Variants in SLC38A9 observed in about 807,000 individuals in gnomAD.
SLC38A9 encodes solute carrier family 38 member 9.
In SLC38A9, 48 loss-of-function variants were observed where a neutral mutation model predicts 62.3. That is an observed-to-expected ratio of 0.77 (90% CI 0.61 to 0.98). SLC38A9 has a LOEUF of 0.98. Among genes scored for constraint, SLC38A9 ranks in the 50% least tolerant of loss-of-function variants. SLC38A9 has a pLI of 0.00. For synonymous variants in SLC38A9, 204 were observed against 227.7 expected, an observed-to-expected ratio of 0.90 and a Z score of 0.94; for missense variants, 541 against 679.8, an observed-to-expected ratio of 0.80 and a Z score of 2.27.
intron 12 of SLC38A9, among the ~76,000 whole-genome samples, chr5:55,639,354 T>G (rs1250991360): frequency 1.4e-5 from 2 of 148,100 alleles, no homozygotes; most frequent in East Asian, 2.0e-4. Context: ...GAAAAAAAAA[T>G]GTATGAAATG....
At chr5:55,649,530 G>C (rs1190884299) in intron 10 of SLC38A9, among the ~76,000 whole-genome samples, 1 of 152,018 alleles carries the variant, frequency 6.6e-6, no homozygotes, top group Non-Finnish European at 1.5e-5. Flanking sequence ...GGCCTAAGAA[G>C]AACCAGATGA....
At position 55,636,254 on chromosome 5, in the gene SLC38A9, C is replaced by T. The variant is rs1025120044; in HGVS notation, c.1168-597G>A. ...GGAAATCAAAAGGCAGCTGTTCAAA[C>T]AGCTGCACAATGTTACTGGAATCAG... On this transcript the variant is annotated intron_variant, in intron 12 of 15. Transcript: ENST00000396865. 3.1e-4 allele frequency among the ~76,000 whole-genome samples: 47 copies of T among 152,174 alleles called. 1 individual carries two copies. The highest frequency in any genetic ancestry group is 1.5e-4 in the Non-Finnish European group (10 of 68,024).
At chr5:55,710,923 GT>G in intron 2 of SLC38A9, among the ~76,000 whole-genome samples, 1 of 151,254 alleles carries the variant, frequency 6.6e-6, no homozygotes. Context: ...TGGCCAAAAC[GT>G]TTTTAAAAAA....
chr5:55,645,856 G>A lies in SLC38A9; in HGVS notation c.1100C>T (p.Thr367Ile). ...FQFPQLTGVL[T>I]LAFFIHNCII... ...ACAATTATGAATAAAAAAAGCAAGG[G>A]TAAGCACTCCAGTCAGCTGTGGAAA... The change falls in exon 12 of 16, where the codon ACC becomes ATC. Residue 367 changes from threonine (T) to isoleucine (I), a missense_variant. Physicochemically the swap from Thr to Ile is moderately conservative, Grantham distance 89. Transcript: ENST00000396865. 1.2e-6 allele frequency: 2 copies of A among 1,612,016 alleles called. No homozygotes were observed. The highest frequency in any genetic ancestry group is 1.7e-6 in the Non-Finnish European group (2 of 1,179,330).
chr5:55,649,643 G>A (rs548959546), intron 10 of SLC38A9, among the ~76,000 whole-genome samples: 6 of 152,226 alleles, frequency 3.9e-5, no homozygotes, highest in South Asian at 2.1e-4. Context: ...CCAACATGGC[G>A]AAACTTCATC....
chr5:55,692,694 A>G lies in SLC38A9; in HGVS notation c.113+5152T>C, dbSNP rs559479092. On this transcript the variant is annotated intron_variant, in intron 3 of 15. Transcript: ENST00000396865. ...TTAATCTACGCAGTTAAACAAATTTACAGAGAACTGTTTGAACTCCTGCCA... is the reference window on the plus strand; with the variant it reads ...TTAATCTACGCAGTTAAACAAATTTGCAGAGAACTGTTTGAACTCCTGCCA... The G allele has an allele frequency of 6.9e-5, 68 of 985,134 alleles. 1 individual carries two copies. The highest frequency in any genetic ancestry group is 1.0e-3 in the Middle Eastern group (2 of 1,914). The allele number at this position is 985,134 out of a possible 1,614,324, so 61.0% of individuals were successfully genotyped here. A position where few individuals can be genotyped will look rare whatever the true frequency, so the allele number is the denominator to read the frequency against.
chr5:55,632,425 G>C (rs1312527694), intron 14 of SLC38A9, among the ~76,000 whole-genome samples: 1 of 152,098 alleles, frequency 6.6e-6, no homozygotes, highest in Non-Finnish European at 1.5e-5. Context: ...GCGGCAGAGC[G>C]AGACTCAGTC....
rs142296954 is a variant in SLC38A9 at position 55,645,882 on chromosome 5, C to G, written c.1074G>C (p.Gln358His). Residue 358 changes from glutamine to histidine, a missense_variant, in exon 12 of 16, where the codon CAG becomes CAC. By Grantham distance (24) the Gln-to-His change is conservative. Transcript: ENST00000396865. ...TAAGCACTCCAGTCAGCTGTGGAAA[C>G]TGAAATCTTATCTCTAGGAGAAAAA... ...TEFFVPEIRFQFPQLTGVLTL... is the reference protein window; with the variant it reads ...TEFFVPEIRFHFPQLTGVLTL... 5.9e-5 allele frequency: 95 copies of G among 1,603,400 alleles called. No individual in the cohort carries two copies. In the African/African-American group the frequency reaches 1.2e-3, roughly 20 times the overall value.
At position 55,626,321 on chromosome 5, in the gene SLC38A9, C is replaced by T. The variant is rs879134083; in HGVS notation, c.*173G>A. 7 of 563,780 alleles carry T rather than the reference C, an allele frequency of 1.2e-5. No individual in the cohort carries two copies. Among genetic ancestry groups the T allele is most frequent in the Non-Finnish European group, 2.2e-5 (7 of 325,554 alleles). 34.9% of individuals were successfully genotyped at this position (563,780 alleles called of 1,614,324 possible). A position where few individuals can be genotyped will look rare whatever the true frequency, so the allele number is the denominator to read the frequency against. ...CTAAGATCATTCTTTTTGCCCCTTT[C>T]CCCACCCCAATAAAAAAATACTCAT... On this transcript the variant is annotated 3_prime_UTR_variant, in exon 16 of 16. Coordinates refer to ENST00000396865, the MANE Select transcript of SLC38A9 (RefSeq NM_173514.4).
Position 55,673,709 on chromosome 5 carries a change from CTTTTT to C in SLC38A9, c.114-1019_114-1015del, listed in dbSNP as rs201596512. On this transcript the variant is annotated intron_variant, in intron 3 of 15. Transcript: ENST00000396865. ...TTTCTGGAGATACTGTTAATCTAATCTTTTTTTTTTTTTTTTTTTTGAGACAGAGT... is the reference window on the plus strand; with the variant it reads ...TTTCTGGAGATACTGTTAATCTAATCTTTTTTTTTTTTTTTGAGACAGAGT... Among the ~76,000 whole-genome samples the C allele has an allele frequency of 2.3e-3, 293 of 127,548 alleles. 1 individual carries two copies. In the East Asian group the frequency reaches 0.025, roughly 11 times the overall value. The allele number at this position is 127,548 out of a possible 152,430, so 83.7% of individuals were successfully genotyped here.
rs3042033 is a variant in SLC38A9, at chr5:55,697,654, GAAAAAAA to G, written c.113+185_113+191del. Among the ~76,000 whole-genome samples the G allele has an allele frequency of 2.7e-4, 36 of 131,306 alleles. No homozygotes were observed. The East Asian group carries it at 3.7e-3, about 14-fold the overall frequency. The allele number at this position is 131,306 out of a possible 152,430, so 86.1% of individuals were successfully genotyped here. On this transcript the variant is annotated intron_variant, in intron 3 of 15. Transcript: ENST00000396865. ...CCCCAACAGAGATGTTGAGTTTAGTGAAAAAAAAAAAAAAAAAAAAATATAAACCAGT... is the reference window on the plus strand; with the variant it reads ...CCCCAACAGAGATGTTGAGTTTAGTGAAAAAAAAAAAAAATATAAACCAGT...
chr5:55,645,339 G>A (rs13173375), intron 12 of SLC38A9, among the ~76,000 whole-genome samples: 90,416 of 151,950 alleles, frequency 0.6, 27,566 homozygotes, highest in South Asian at 0.7. Context: ...ACAGGCCTGA[G>A]CCACCACGCC....
intron 14 of SLC38A9, among the ~76,000 whole-genome samples, chr5:55,629,339 C>T (rs980886627): frequency 9.9e-5 from 15 of 152,134 alleles, no homozygotes; most frequent in Non-Finnish European, 1.9e-4. Flanking sequence ...GCTGGGACTA[C>T]AGGTGTGTGT....
At chr5:55,681,359 C>T (rs1412403155) in intron 3 of SLC38A9, among the ~76,000 whole-genome samples, 1 of 152,104 alleles carries the variant, frequency 6.6e-6, no homozygotes, top group Non-Finnish European at 1.5e-5. Context: ...TGGAAGAGTG[C>T]TTGTAAAACA....
intron 14 of SLC38A9, among the ~76,000 whole-genome samples, chr5:55,632,508 T>C (rs370673722): frequency 1.6e-4 from 24 of 152,272 alleles, no homozygotes; most frequent in African/African-American, 5.8e-4. Flanking sequence ...GTAAGGATTG[T>C]TGGACTCAGA....
intron 11 of SLC38A9, among the ~76,000 whole-genome samples, chr5:55,648,790 C>A (rs1358027026): frequency 6.6e-6 from 1 of 152,074 alleles, no homozygotes; most frequent in East Asian, 1.9e-4. Context: ...ATGGATATCC[C>A]AATTACCCTG....
chr5:55,673,788 T>C (rs1488036972), intron 3 of SLC38A9, among the ~76,000 whole-genome samples: 1 of 150,440 alleles, frequency 6.6e-6, no homozygotes, highest in Non-Finnish European at 1.5e-5. Flanking sequence ...CTCGGCTCAC[T>C]GCAACCTCCA....
chr5:55,677,352 A>T (rs1580306964), intron 3 of SLC38A9, among the ~76,000 whole-genome samples: 1 of 152,232 alleles, frequency 6.6e-6, no homozygotes, highest in South Asian at 2.1e-4. Context: ...ATATGACTGT[A>T]TGCAATGCTT....
intron 10 of SLC38A9, 38 bp from the exon 11 acceptor site, chr5:55,649,352 G>C (rs377096505): frequency 4.0e-6 from 5 of 1,261,308 alleles, no homozygotes; most frequent in Non-Finnish European, 5.5e-6. Context: ...TATTATCTTT[G>C]TGTGTTTTAC....
Sources: gnomAD v4.1 joint callset for allele counts (sites outside exome capture counted in the v4.1 genomes callset) on GRCh38, gnomAD v4.1.1 for gene constraint, MANE v1.5 for transcripts, NCBI Gene and HGNC (gene_info 2026-07-23, HGNC 2026-07-21) for gene names.